Variants in SNRPG observed in about 807,000 individuals in gnomAD.
SNRPG encodes the protein small nuclear ribonucleoprotein G.
In SNRPG, 3 loss-of-function variants were observed where a neutral mutation model predicts 13.9. The ratio of observed to expected loss-of-function variants is 0.22; its 90% confidence interval spans 0.10 to 0.56. The LOEUF (loss-of-function observed/expected upper bound fraction) is 0.56, where lower values mean the gene tolerates loss of function less well. SNRPG is among the 20% of genes least tolerant of loss of function. SNRPG has a pLI of 0.93. For missense variants in SNRPG, 34 were observed against 96.1 expected (o/e 0.35, Z 2.70); for synonymous variants, 29 against 29.3 (o/e 0.99, Z 0.03).
chr2:70,283,122 A>AAAAAACAAC (rs1241967786), intron 3 of SNRPG, among the ~76,000 whole-genome samples: 5 of 82,962 alleles, frequency 6.0e-5, no homozygotes, highest in East Asian at 3.2e-4. Context: ...AAAAAAAAAA[A>AAAAAACAAC]AACAACAAAC....
intron 3 of SNRPG, among the ~76,000 whole-genome samples, chr2:70,285,722 C>T (rs1278843613): frequency 6.6e-6 from 1 of 152,166 alleles, no homozygotes; most frequent in African/African-American, 2.4e-5. Flanking sequence ...TTCTCCAAAT[C>T]AAACTTGAAC....
In SNRPG at chr2:70,288,209, AAG is replaced by A; in HGVS notation, c.56-19_56-18del. 1.2e-6 allele frequency: 2 copies of A among 1,608,730 alleles called. No individual in the cohort carries two copies. The highest frequency in any genetic ancestry group is 1.1e-5 in the South Asian group (1 of 90,950). Reference sequence around the variant, plus strand: ...TTAATTTCACTATTAAAAAGAGAAAAAGAAGTTTTAGAAAAACATTCCATTAG... The same window carrying A: ...TTAATTTCACTATTAAAAAGAGAAAAAAGTTTTAGAAAAACATTCCATTAG... On this transcript the variant is annotated intron_variant, in intron 2 of 3. Transcript: ENST00000272348.
chr2:70,293,650 G>T lies in SNRPG; in HGVS notation c.-1C>A. ...ACTCGGGAGGGTGAGCTTTGCTCATGGTGTATACTCCGCGGGCTCACAGAT... is the reference window on the plus strand; with the variant it reads ...ACTCGGGAGGGTGAGCTTTGCTCATTGTGTATACTCCGCGGGCTCACAGAT... On this transcript the variant is annotated 5_prime_UTR_variant, in exon 1 of 4. Transcript: ENST00000272348. 6.2e-7 allele frequency: 1 copy of T among 1,614,014 alleles called. No individual in the cohort carries two copies. Among genetic ancestry groups the T allele is most frequent in the Non-Finnish European group, 8.5e-7 (1 of 1,179,844 alleles).
chr2:70,284,946 A>ATGAT (rs1208555900), intron 3 of SNRPG, among the ~76,000 whole-genome samples: 1 of 152,214 alleles, frequency 6.6e-6, no homozygotes, highest in Non-Finnish European at 1.5e-5. Context: ...TAGCAGTGTG[A>ATGAT]TGATACCTCA....
rs763792385 is a variant in SNRPG at position 70,293,697 on chromosome 2, C to T, written c.-48G>A. On this transcript the variant is annotated 5_prime_UTR_variant, in exon 1 of 4. Coordinates refer to ENST00000272348, the MANE Select transcript of SNRPG (RefSeq NM_003096.4). ...AGATGCCTTGGAACGCAACGCACGG[C>T]TTTCCTCACGCTCCCGCTGTAGGCC... 1.9e-6 allele frequency: 3 copies of T among 1,588,988 alleles called. No homozygotes were observed. Among genetic ancestry groups the T allele is most frequent in the Non-Finnish European group, 2.6e-6 (3 of 1,157,242 alleles).
intron 3 of SNRPG, 137 bp downstream of exon 3, chr2:70,287,931 G>T: frequency 1.6e-6 from 1 of 628,644 alleles, no homozygotes; most frequent in Non-Finnish European, 2.6e-6. Context: ...AGTAACTGCC[G>T]TATGCAACTA....
intron 3 of SNRPG, among the ~76,000 whole-genome samples, chr2:70,282,892 G>C (rs1480902971): frequency 1.3e-5 from 2 of 151,872 alleles, no homozygotes; most frequent in South Asian, 2.1e-4. Context: ...TTGGGAGTTC[G>C]AGACCATCCT....
chr2:70,283,122 A>AAACAAC (rs1553474952), intron 3 of SNRPG, among the ~76,000 whole-genome samples: 16 of 82,990 alleles, frequency 1.9e-4, no homozygotes, highest in East Asian at 3.2e-4. Context: ...AAAAAAAAAA[A>AAACAAC]AACAACAAAC....
At chr2:70,290,823 TAAAAAAAAAAAAAA>T (rs57720967) in intron 1 of SNRPG, among the ~76,000 whole-genome samples, 8 of 25,284 alleles carry the variant, frequency 3.2e-4, no homozygotes, top group Non-Finnish European at 4.3e-4. Flanking sequence ...CCGTCTCTAC[TAAAAAAAAAAAAAA>T]AAAAAAAAAA....
chr2:70,291,953 T>C (rs924783175), intron 1 of SNRPG, among the ~76,000 whole-genome samples: 3 of 150,784 alleles, frequency 2.0e-5, no homozygotes, highest in African/African-American at 7.3e-5. Context: ...CTTCTATTTT[T>C]TTTTTTTTTT....
chr2:70,288,252 T>C (rs1254564831), intron 2 of SNRPG, 60 bp from the exon 3 acceptor site: 1 of 1,454,704 alleles, frequency 6.9e-7, no homozygotes, highest in African/African-American at 1.4e-5. Flanking sequence ...AAGCATTCAC[T>C]AAAAATCAGG....
chr2:70,285,445 G>A (rs1455526480), intron 3 of SNRPG, among the ~76,000 whole-genome samples: 3 of 152,090 alleles, frequency 2.0e-5, no homozygotes, highest in Non-Finnish European at 4.4e-5. Context: ...GGTGGTGTGC[G>A]CCTGTAGTCC....
intron 2 of SNRPG, among the ~76,000 whole-genome samples, chr2:70,288,577 T>C (rs1228017284): frequency 6.6e-6 from 1 of 152,172 alleles, no homozygotes; most frequent in Non-Finnish European, 1.5e-5. Context: ...GTAACTGGGT[T>C]CATGGTTATA....
intron 1 of SNRPG, among the ~76,000 whole-genome samples, chr2:70,290,966 G>C (rs1422705350): frequency 2.7e-5 from 4 of 148,542 alleles, no homozygotes; most frequent in Non-Finnish European, 4.4e-5. Flanking sequence ...AGCCAAGATC[G>C]CGCCACTGCA....
intron 1 of SNRPG, among the ~76,000 whole-genome samples, chr2:70,289,890 C>A (rs188523213): frequency 2.0e-5 from 3 of 151,338 alleles, no homozygotes; most frequent in African/African-American, 4.9e-5. Context: ...AGAGGAAAGG[C>A]AATAAAAATG....
At chr2:70,292,440 C>A (rs1452696257) in intron 1 of SNRPG, among the ~76,000 whole-genome samples, 1 of 152,116 alleles carries the variant, frequency 6.6e-6, no homozygotes, top group Non-Finnish European at 1.5e-5. Flanking sequence ...CTCCGCTTCC[C>A]GGGTTCAAGC....
chr2:70,293,571 G>C (rs373366542), intron 1 of SNRPG, 47 bp downstream of exon 1: 3 of 1,526,156 alleles, frequency 2.0e-6, no homozygotes, highest in Non-Finnish European at 2.7e-6. Flanking sequence ...GGGACTCGCA[G>C]GACGCAAATA....
intron 3 of SNRPG, among the ~76,000 whole-genome samples, chr2:70,285,839 G>A (rs1326689284): frequency 6.6e-6 from 1 of 152,168 alleles, no homozygotes; most frequent in African/African-American, 2.4e-5. Flanking sequence ...TAAAAAGTAA[G>A]ATAGAGGCGA....
chr2:70,285,624 ACTAT>A (rs1696923802), intron 3 of SNRPG, among the ~76,000 whole-genome samples: 1 of 152,084 alleles, frequency 6.6e-6, no homozygotes, highest in African/African-American at 2.4e-5. Flanking sequence ...AGGGTTCACT[ACTAT>A]CTGTGGTTTC....
Sources: gnomAD v4.1 joint callset for allele counts (sites outside exome capture counted in the v4.1 genomes callset) on GRCh38, gnomAD v4.1.1 for gene constraint, MANE v1.5 for transcripts, NCBI Gene and HGNC (gene_info 2026-07-23, HGNC 2026-07-21) for gene names.